RBFOX1: variants seen among roughly 807,000 people sequenced by gnomAD.
RBFOX1 encodes the protein RNA binding protein fox-1 homolog 1.
In RBFOX1, 8 loss-of-function variants were observed where a neutral mutation model predicts 57.7. The observed-to-expected ratio is 0.14, with a 90% CI of 0.08 to 0.25. The LOEUF is 0.25. Among genes scored for constraint, RBFOX1 ranks in the 10% least tolerant of loss-of-function variants. The pLI, the probability that RBFOX1 is intolerant of heterozygous loss-of-function variation, is 1.00. For synonymous variants in RBFOX1, 326 were observed against 222.4 expected (o/e 1.47, Z -4.15); for missense variants, 611 against 548.5 (o/e 1.11, Z -1.14).
intron 5 of RBFOX1, among the ~76,000 whole-genome samples, chr16:7,536,059 C>G (rs2081391015): frequency 2.0e-5 from 3 of 152,202 alleles, no homozygotes; most frequent in Non-Finnish European, 4.4e-5. Context: ...CAGTTGAATG[C>G]AGCCAGCCAT....
At chr16:5,741,278 C>A (rs1331673264) in intron 3 of RBFOX1, among the ~76,000 whole-genome samples, 1 of 152,218 alleles carries the variant, frequency 6.6e-6, no homozygotes, top group Non-Finnish European at 1.5e-5. Context: ...CTGCAGGAGT[C>A]ATAAGGCCGC....
At chr16:6,607,939 TGGAAACAG>T (rs2097967935) in intron 2 of RBFOX1, among the ~76,000 whole-genome samples, 2 of 152,198 alleles carry the variant, frequency 1.3e-5, no homozygotes, top group Non-Finnish European at 2.9e-5. Flanking sequence ...TATACAAACT[TGGAAACAG>T]CTATGAGCTT....
At chr16:5,786,051 C>G (rs949004597) in intron 3 of RBFOX1, among the ~76,000 whole-genome samples, 5 of 152,150 alleles carry the variant, frequency 3.3e-5, no homozygotes, top group African/African-American at 1.2e-4. Context: ...CATGTCATTC[C>G]CTGAATTGGT....
At chr16:7,028,147 G>A (rs8060849) in intron 3 of RBFOX1, among the ~76,000 whole-genome samples, 116,303 of 152,052 alleles carry the variant, frequency 0.76, 44,677 homozygotes, top group East Asian at 0.92. Flanking sequence ...GGAAGTCAAG[G>A]TCCAATATAA....
intron 2 of RBFOX1, among the ~76,000 whole-genome samples, chr16:5,547,334 C>T (rs371290271): frequency 1.4e-4 from 21 of 152,114 alleles, no homozygotes; most frequent in African/African-American, 4.6e-4. Flanking sequence ...TTTATCAGAG[C>T]CAAAAACTAG....
At chr16:5,722,374 T>C (rs957839093) in intron 3 of RBFOX1, among the ~76,000 whole-genome samples, 1 of 152,224 alleles carries the variant, frequency 6.6e-6, no homozygotes, top group African/African-American at 2.4e-5. Flanking sequence ...ATGTGCTTTC[T>C]ATTGAAATAT....
chr16:7,532,497 G>A (rs1000171052), intron 5 of RBFOX1, among the ~76,000 whole-genome samples: 1 of 152,196 alleles, frequency 6.6e-6, no homozygotes, highest in African/African-American at 2.4e-5. Flanking sequence ...TAGGAAAAGG[G>A]AGGACGTGAG....
chr16:7,277,052 G>C (rs952440170), intron 4 of RBFOX1, among the ~76,000 whole-genome samples: 2 of 152,182 alleles, frequency 1.3e-5, no homozygotes, highest in Admixed American at 6.5e-5. Context: ...TTTGTCTGCA[G>C]CCCTTTAAGA....
At chr16:6,633,712 T>C (rs1250991860) in intron 2 of RBFOX1, among the ~76,000 whole-genome samples, 1 of 152,120 alleles carries the variant, frequency 6.6e-6, no homozygotes, top group Non-Finnish European at 1.5e-5. Context: ...TTAGTGACTT[T>C]GGAATCGAGG....
At chr16:5,842,404 A>G (rs944811675) in intron 3 of RBFOX1, among the ~76,000 whole-genome samples, 2 of 152,154 alleles carry the variant, frequency 1.3e-5, no homozygotes, top group African/African-American at 4.8e-5. Flanking sequence ...ATTTCCATTT[A>G]AATCCCTGAG....
At chr16:6,617,593 G>T (rs1012216006) in intron 2 of RBFOX1, among the ~76,000 whole-genome samples, 24 of 152,090 alleles carry the variant, frequency 1.6e-4, no homozygotes, top group African/African-American at 5.6e-4. Context: ...CCACTTACAT[G>T]TGGGGGTTCC....
intron 2 of RBFOX1, among the ~76,000 whole-genome samples, chr16:6,571,203 G>C (rs143549865): frequency 4.7e-4 from 71 of 152,306 alleles, no homozygotes; most frequent in Non-Finnish European, 6.8e-4. Context: ...TTCCCAAAAG[G>C]CTTCTTCGAA....
chr16:6,739,872 G>C (rs1439920356), intron 3 of RBFOX1, among the ~76,000 whole-genome samples: 2 of 152,072 alleles, frequency 1.3e-5, no homozygotes, highest in African/African-American at 4.8e-5. Flanking sequence ...GCAAGACTCT[G>C]TCTTAAGAAT....
Position 7,712,595 on chromosome 16 carries a change from T to C in RBFOX1, c.*1850T>C, listed in dbSNP as rs2084165096. ...GAGCTACTTATCAGCCAAAAGCATATAAAGTGTTCTTTTCACCAGACTTCT... is the reference window on the plus strand; with the variant it reads ...GAGCTACTTATCAGCCAAAAGCATACAAAGTGTTCTTTTCACCAGACTTCT... On this transcript the variant is annotated 3_prime_UTR_variant, in exon 16 of 16. Transcript: ENST00000550418. 2.0e-5 allele frequency: 3 copies of C among 152,432 alleles called. No homozygotes were observed. The highest frequency in any genetic ancestry group is 7.2e-5 in the African/African-American group (3 of 41,392). 9.4% of individuals were successfully genotyped at this position (152,432 alleles called of 1,614,324 possible).
At chr16:5,805,784 G>A (rs1350530816) in intron 3 of RBFOX1, among the ~76,000 whole-genome samples, 2 of 152,162 alleles carry the variant, frequency 1.3e-5, no homozygotes, top group African/African-American at 4.8e-5. Context: ...GAAGTCAAGA[G>A]GATGAAGACT....
At chr16:5,411,127 C>T (rs755578110) in intron 1 of RBFOX1, among the ~76,000 whole-genome samples, 8 of 152,210 alleles carry the variant, frequency 5.3e-5, no homozygotes, top group African/African-American at 1.2e-4. Flanking sequence ...AATTCTTGGG[C>T]GGAGGCCAGA....
At chr16:6,859,177 A>ACG (rs1480388183) in intron 3 of RBFOX1, among the ~76,000 whole-genome samples, 1 of 82,012 alleles carries the variant, frequency 1.2e-5, no homozygotes, top group Admixed American at 1.2e-4. Flanking sequence ...ATATATATGT[A>ACG]TATATATGTA....
Position 5,624,518 on chromosome 16 carries a change from G to A in RBFOX1, c.318+25557G>A, listed in dbSNP as rs573075615. Among the ~76,000 whole-genome samples the A allele has an allele frequency of 4.3e-4, 65 of 152,290 alleles. 1 individual carries two copies. Among genetic ancestry groups the A allele is most frequent in the South Asian group, 2.3e-3 (11 of 4,828 alleles). ...AGCCACCCAGAGACTTTTAAAGCTC[G>A]TACCCAGGTGGGGAAAAGCTCCTGA... On this transcript the variant is annotated intron_variant, in intron 3 of 19. Transcript: ENST00000641259.
chr16:5,595,143 C>G (rs2047141315), intron 2 of RBFOX1, among the ~76,000 whole-genome samples: 1 of 152,018 alleles, frequency 6.6e-6, no homozygotes, highest in South Asian at 2.1e-4. Context: ...AAGACTCCAT[C>G]TCAAAAACCA....
Sources: allele counts gnomAD v4.1 joint callset (sites outside exome capture counted in the v4.1 genomes callset), GRCh38; gene constraint gnomAD v4.1.1; transcripts MANE v1.5; gene names NCBI Gene and HGNC (gene_info 2026-07-23, HGNC 2026-07-21).